Variants in DENND1A observed in about 807,000 individuals in gnomAD.
The protein encoded by DENND1A is DENN domain-containing protein 1A.
Under a neutral mutation model 113.7 loss-of-function variants are expected in DENND1A, and 51 were observed. The ratio of observed to expected loss-of-function variants is 0.45; its 90% CI spans 0.36 to 0.57. DENND1A has a LOEUF of 0.57. Ranked by LOEUF, DENND1A falls within the 20% of genes least tolerant of loss-of-function variation. The probability of loss-of-function intolerance (pLI) is 0.00; values close to 1 mark genes in which losing one functional copy is unlikely to be tolerated. For synonymous variants in DENND1A, 565 were observed against 570.8 expected (o/e 0.99, Z 0.14); for missense variants, 1,258 against 1,395.9 (o/e 0.90, Z 1.57).
Position 123,381,738 on chromosome 9 carries a change from T to C in DENND1A, c.2907A>G (p.Leu969=). Residue 969 remains leucine, a synonymous_variant, in exon 24 of 24, where the codon CTA becomes CTG. Transcript: ENST00000394215. The surrounding 1 kb of genome is among the most constrained non-coding windows in gnomAD (Gnocchi z 4.7). Reference sequence around the variant, plus strand: ...CAACTGCTGGGGGACCCAGCGGCTGTAGGGGGCTCGTGTGGGTGCCCATGG... The same window carrying C: ...CAACTGCTGGGGGACCCAGCGGCTGCAGGGGGCTCGTGTGGGTGCCCATGG... The part of the protein sequence containing the change: ...QMPMGTHTSP[L]QPLGPPAVAP... The C allele has an allele frequency of 6.6e-7, 1 of 1,519,758 alleles. No homozygotes were observed. Among genetic ancestry groups the C allele is most frequent in the African/African-American group, 1.4e-5 (1 of 71,978 alleles). The allele number at this position is 1,519,758 out of a possible 1,614,324, so 94.1% of individuals were successfully genotyped here. A position where few individuals can be genotyped will look rare whatever the true frequency, so the allele number is the denominator to read the frequency against.
chr9:123,832,347 A>G (rs977925819), intron 2 of DENND1A, among the ~76,000 whole-genome samples: 1 of 152,332 alleles, frequency 6.6e-6, no homozygotes. Flanking sequence ...ATTCATTCAG[A>G]ATGGCTAAAA....
At chr9:123,786,490 C>T (rs1049876506) in intron 3 of DENND1A, among the ~76,000 whole-genome samples, 1 of 152,176 alleles carries the variant, frequency 6.6e-6, no homozygotes, top group Non-Finnish European at 1.5e-5. Flanking sequence ...GCCTACTAGG[C>T]AGTAAGTTCC....
intron 13 of DENND1A, among the ~76,000 whole-genome samples, chr9:123,516,637 C>T (rs2053932069): frequency 6.6e-6 from 1 of 151,964 alleles, no homozygotes; most frequent in Non-Finnish European, 1.5e-5. Context: ...CCTGGAATCC[C>T]AGCACTTTGA....
At chr9:123,479,095 C>T (rs2050134976) in intron 13 of DENND1A, among the ~76,000 whole-genome samples, 2 of 152,214 alleles carry the variant, frequency 1.3e-5, no homozygotes, top group Admixed American at 6.5e-5. Flanking sequence ...AAATATGTGA[C>T]AGGCATGGTA....
chr9:123,728,432 G>A lies in DENND1A; in HGVS notation c.302+29271C>T, dbSNP rs143821242. Reference sequence around the variant, plus strand: ...GCAGAGGTTACAGTGAGCCGAGATCGTGCCATTGCACTCCTGCCTGGGCAA... The same window carrying A: ...GCAGAGGTTACAGTGAGCCGAGATCATGCCATTGCACTCCTGCCTGGGCAA... On this transcript the variant is annotated intron_variant, in intron 5 of 23. Transcript: ENST00000394215. Among the ~76,000 whole-genome samples, 629 of 131,384 alleles carry A rather than the reference G, an allele frequency of 4.8e-3. 5 individuals carry two copies. The highest frequency in any genetic ancestry group is 0.016 in the African/African-American group (553 of 33,908). The allele number at this position is 131,384 out of a possible 152,430, so 86.2% of individuals were successfully genotyped here.
chr9:123,901,407 T>A (rs1851601629), intron 1 of DENND1A, among the ~76,000 whole-genome samples: 1 of 152,216 alleles, frequency 6.6e-6, no homozygotes, highest in African/African-American at 2.4e-5. Flanking sequence ...TAAAAATTCA[T>A]GAAGTTTCTT....
At chr9:123,386,932 C>T (rs2042595812) in intron 22 of DENND1A, among the ~76,000 whole-genome samples, 2 of 152,342 alleles carry the variant, frequency 1.3e-5, no homozygotes, top group Non-Finnish European at 2.9e-5. Context: ...AAAGGCATCT[C>T]TCTTCTGTGC....
intron 13 of DENND1A, among the ~76,000 whole-genome samples, chr9:123,531,443 A>G (rs1371761440): frequency 6.6e-6 from 1 of 151,900 alleles, no homozygotes. Flanking sequence ...CATATTTATG[A>G]AAAAGTTGCA....
chr9:123,481,427 C>A (rs1448110184), intron 13 of DENND1A, among the ~76,000 whole-genome samples: 1 of 152,346 alleles, frequency 6.6e-6, no homozygotes, highest in African/African-American at 2.4e-5. Context: ...AGGACGCGTG[C>A]ATTTACAGAC....
At chr9:123,494,603 G>A (rs2051692208) in intron 13 of DENND1A, among the ~76,000 whole-genome samples, 1 of 152,104 alleles carries the variant, frequency 6.6e-6, no homozygotes, top group Non-Finnish European at 1.5e-5. Flanking sequence ...GTCCTCAGAT[G>A]GATCTTTAAG....
chr9:123,876,703 G>A (rs1016280130), intron 2 of DENND1A, among the ~76,000 whole-genome samples: 38 of 152,098 alleles, frequency 2.5e-4, no homozygotes, highest in Non-Finnish European at 7.3e-5. Flanking sequence ...CAATTCATTC[G>A]ATCCAGCAAT....
At chr9:123,525,758 C>CT (rs34055700) in intron 13 of DENND1A, among the ~76,000 whole-genome samples, 2,784 of 129,810 alleles carry the variant, frequency 0.021, 116 homozygotes, top group African/African-American at 0.04. Context: ...TGCAGTCTAC[C>CT]TTTTTTTTTT....
chr9:123,403,668 A>T, intron 20 of DENND1A, 178 bp from the exon 21 acceptor site: 1 of 607,626 alleles, frequency 1.6e-6, no homozygotes, highest in South Asian at 1.9e-5. Context: ...CAGCAGACAG[A>T]CACATTAACT....
chr9:123,472,135 T>C (rs10760290), intron 13 of DENND1A, among the ~76,000 whole-genome samples: 84,984 of 152,110 alleles, frequency 0.56, 26,084 homozygotes, highest in Non-Finnish European at 0.69. Flanking sequence ...ACGTCCTTTG[T>C]GGCTCTTTTG....
chr9:123,485,656 G>GTGCGCGCA (rs2050781121), intron 13 of DENND1A: 2 of 141,156 alleles, frequency 1.4e-5, no homozygotes, highest in Admixed American at 6.8e-5. Context: ...GCGCGCGCGC[G>GTGCGCGCA]CACACACACA....
chr9:123,625,184 G>C (rs1432308020), intron 10 of DENND1A, among the ~76,000 whole-genome samples: 2 of 152,136 alleles, frequency 1.3e-5, no homozygotes, highest in Non-Finnish European at 2.9e-5. Flanking sequence ...CATAACGTCT[G>C]TATCAGGAAA....
chr9:123,700,100 G>A (rs932832678), intron 5 of DENND1A, among the ~76,000 whole-genome samples: 1 of 152,032 alleles, frequency 6.6e-6, no homozygotes, highest in Non-Finnish European at 1.5e-5. Context: ...CTACTAATCC[G>A]TATGGTCTAC....
chr9:123,675,298 T>C (rs1234133861), intron 6 of DENND1A, among the ~76,000 whole-genome samples: 1 of 152,164 alleles, frequency 6.6e-6, no homozygotes, highest in Non-Finnish European at 1.5e-5. Context: ...TATCTCAGAA[T>C]GCTAAGATTT....
chr9:123,548,776 C>A (rs2056865678), intron 13 of DENND1A, among the ~76,000 whole-genome samples: 1 of 152,180 alleles, frequency 6.6e-6, no homozygotes, highest in South Asian at 2.1e-4. Flanking sequence ...CACGGATGAA[C>A]CTGGTGAACA....
Sources: gnomAD v4.1 joint callset for allele counts (sites outside exome capture counted in the v4.1 genomes callset) on GRCh38, gnomAD v4.1.1 for gene constraint, Gnocchi (gnomAD v3.1) non-coding constraint, MANE v1.5 for transcripts, NCBI Gene and HGNC (gene_info 2026-07-23, HGNC 2026-07-21) for gene names.